Variants in PPARGC1A observed in about 807,000 individuals in gnomAD.
PPARGC1A encodes peroxisome proliferator-activated receptor gamma coactivator 1-alpha.
In PPARGC1A, 25 loss-of-function variants were observed where a neutral mutation model predicts 88.7. The ratio of observed to expected loss-of-function variants is 0.28; its 90% CI spans 0.21 to 0.39. PPARGC1A has a LOEUF of 0.39. Ranked by LOEUF, PPARGC1A falls within the 10% of genes least tolerant of loss-of-function variation. The probability of loss-of-function intolerance (pLI) is 1.00; values close to 1 mark genes in which losing one functional copy is unlikely to be tolerated. For missense variants in PPARGC1A, 880 were observed against 968.7 expected (o/e 0.91, Z 1.22); for synonymous variants, 363 against 355.6 (o/e 1.02, Z -0.24).
At chr4:24,119,377 G>A in the PPARGC1A span, among the ~76,000 whole-genome samples, 1 of 152,066 alleles carries the variant, frequency 6.6e-6, no homozygotes, top group Non-Finnish European at 1.5e-5. Flanking sequence ...TGAAAGACCT[G>A]GTGTTAGAAG....
At chr4:23,976,147 A>G in the PPARGC1A span, among the ~76,000 whole-genome samples, 2 of 152,254 alleles carry the variant, frequency 1.3e-5, no homozygotes, top group Non-Finnish European at 2.9e-5. Flanking sequence ...AGAATGTGCA[A>G]GGAATGAGCA....
chr4:24,158,644 C>G, the PPARGC1A span, among the ~76,000 whole-genome samples: 1 of 152,170 alleles, frequency 6.6e-6, no homozygotes, highest in Non-Finnish European at 1.5e-5. Flanking sequence ...TCCTCATTAT[C>G]TCTGGAGTAA....
chr4:24,362,874 C>T, the PPARGC1A span, among the ~76,000 whole-genome samples: 25,397 of 152,114 alleles, frequency 0.17, 2,237 homozygotes, highest in Middle Eastern at 0.25. Context: ...CAAGCACATT[C>T]GGAAGCTCCT....
chr4:24,466,786 C>T, the PPARGC1A span, among the ~76,000 whole-genome samples: 75,907 of 149,232 alleles, frequency 0.51, 19,593 homozygotes, highest in South Asian at 0.59. Context: ...TTGTGGCGTG[C>T]GCCTGTTGTC....
chr4:24,348,459 G>A, the PPARGC1A span, among the ~76,000 whole-genome samples: 10 of 152,148 alleles, frequency 6.6e-5, no homozygotes, highest in Non-Finnish European at 8.8e-5. Flanking sequence ...AGGTTTGGTC[G>A]TTTAACATAA....
the PPARGC1A span, among the ~76,000 whole-genome samples, chr4:23,979,106 T>C: frequency 0.22 from 33,169 of 152,108 alleles, 3,679 homozygotes; most frequent in East Asian, 0.29. Context: ...TGTATAAAAA[T>C]CGTTTAACTC....
chr4:24,291,582 A>C, the PPARGC1A span, among the ~76,000 whole-genome samples: 1 of 152,150 alleles, frequency 6.6e-6, no homozygotes, highest in Non-Finnish European at 1.5e-5. Context: ...GGGAACACTG[A>C]GGCTCAATGA....
chr4:24,122,689 T>C, the PPARGC1A span, among the ~76,000 whole-genome samples: 4 of 152,032 alleles, frequency 2.6e-5, no homozygotes, highest in Non-Finnish European at 5.9e-5. Context: ...ATGTAATAAG[T>C]TGTTCAGATG....
the PPARGC1A span, among the ~76,000 whole-genome samples, chr4:24,456,438 C>T: frequency 6.6e-6 from 1 of 152,110 alleles, no homozygotes; most frequent in African/African-American, 2.4e-5. Flanking sequence ...CAGATATGAA[C>T]AGTGAGTGAG....
chr4:24,123,438 CTATAGCCT>C, the PPARGC1A span, among the ~76,000 whole-genome samples: 1 of 152,142 alleles, frequency 6.6e-6, no homozygotes, highest in African/African-American at 2.4e-5. Context: ...GAAGGTTTCA[CTATAGCCT>C]TATTCATTGT....
At chr4:24,311,929 GA>G in the PPARGC1A span, among the ~76,000 whole-genome samples, 1 of 152,172 alleles carries the variant, frequency 6.6e-6, no homozygotes, top group Non-Finnish European at 1.5e-5. Flanking sequence ...GGGAAGCCAT[GA>G]AGAAGAGGAA....
chr4:24,236,276 A>G, the PPARGC1A span, among the ~76,000 whole-genome samples: 1 of 152,080 alleles, frequency 6.6e-6, no homozygotes, highest in African/African-American at 2.4e-5. Context: ...TAAGGACAAA[A>G]AACACTCCTG....
At chr4:23,964,220 A>G in the PPARGC1A span, among the ~76,000 whole-genome samples, 1 of 152,224 alleles carries the variant, frequency 6.6e-6, no homozygotes, top group Non-Finnish European at 1.5e-5. Context: ...CCATTTTTAC[A>G]GATGAGAAAA....
the PPARGC1A span, among the ~76,000 whole-genome samples, chr4:24,387,746 A>AAG: frequency 1.1e-3 from 65 of 61,170 alleles, 1 homozygote; most frequent in African/African-American, 3.5e-3. Context: ...GAAAGAAAGA[A>AAG]AGAGAGAGAG....
the PPARGC1A span, among the ~76,000 whole-genome samples, chr4:24,056,226 C>A: frequency 5.3e-5 from 8 of 152,262 alleles, no homozygotes; most frequent in Admixed American, 4.6e-4. Context: ...GGATCTAAGA[C>A]AATACTCTCT....
chr4:23,996,026 G>A, the PPARGC1A span, among the ~76,000 whole-genome samples: 1 of 152,130 alleles, frequency 6.6e-6, no homozygotes, highest in Non-Finnish European at 1.5e-5. Flanking sequence ...AATTCTTAGC[G>A]ATGCTAAGGG....
chr4:24,013,306 A>G, the PPARGC1A span, among the ~76,000 whole-genome samples: 1 of 152,174 alleles, frequency 6.6e-6, no homozygotes, highest in Non-Finnish European at 1.5e-5. Context: ...TTGCTAAAAA[A>G]TTAATGTTAA....
the PPARGC1A span, among the ~76,000 whole-genome samples, chr4:24,056,305 A>G: frequency 6.6e-6 from 1 of 152,206 alleles, no homozygotes; most frequent in South Asian, 2.1e-4. Context: ...TTCTGCCCCC[A>G]ACCCTAGGAG....
At chr4:24,387,820 GAA>G in the PPARGC1A span, among the ~76,000 whole-genome samples, 6 of 68,024 alleles carry the variant, frequency 8.8e-5, no homozygotes, top group South Asian at 1.7e-3. Flanking sequence ...AAGAAAGAAA[GAA>G]AGAGAGAAAG....
Sources: gnomAD v4.1 joint callset for allele counts (sites outside exome capture counted in the v4.1 genomes callset) on GRCh38, gnomAD v4.1.1 for gene constraint, MANE v1.5 for transcripts, NCBI Gene and HGNC (gene_info 2026-07-23, HGNC 2026-07-21) for gene names.